SH3BGR: variants seen among roughly 807,000 people sequenced by gnomAD.
SH3BGR encodes the protein SH3 domain binding glutamate rich protein.
A neutral mutation model predicts 24.5 loss-of-function variants in SH3BGR; 29 were observed. The observed-to-expected ratio is 1.18, with a 90% CI of 0.88 to 1.61. The LOEUF (loss-of-function observed/expected upper bound fraction) is 1.61, where lower values mean the gene tolerates loss of function less well. SH3BGR is among the 40% of genes most tolerant of loss of function. The pLI is 0.00. For synonymous variants in SH3BGR, 55 were observed against 65.7 expected (o/e 0.84, Z 0.79); for missense variants, 162 against 205.8 (o/e 0.79, Z 1.30).
chr21:39,457,974 A>G (rs570401995), intron 1 of SH3BGR, among the ~76,000 whole-genome samples: 24 of 152,096 alleles, frequency 1.6e-4, no homozygotes, highest in Admixed American at 3.9e-4. Flanking sequence ...AACCCCAAAC[A>G]AAGAAACACC....
chr21:39,457,421 T>C (rs1439048320), intron 1 of SH3BGR, among the ~76,000 whole-genome samples: 2 of 142,796 alleles, frequency 1.4e-5, no homozygotes, highest in Non-Finnish European at 3.0e-5. Context: ...TATAAGATTA[T>C]TATATATTAT....
chr21:39,462,317 G>A, intron 1 of SH3BGR, 58 bp from the exon 2 acceptor site: 1 of 1,326,234 alleles, frequency 7.5e-7, no homozygotes, highest in Non-Finnish European at 1.1e-6. Context: ...TTTAATTTTT[G>A]TAAATGTAAG....
At position 39,511,256 on chromosome 21, in the gene SH3BGR, GTGTA is replaced by G. The variant is rs889889005; in HGVS notation, c.436-420_436-417del. Among the ~76,000 whole-genome samples the G allele has an allele frequency of 3.3e-4, 50 of 150,288 alleles. No homozygotes were observed. Among genetic ancestry groups the G allele is most frequent in the African/African-American group, 1.0e-3 (42 of 41,066 alleles). On this transcript the variant is annotated intron_variant, in intron 5 of 6. Transcript: ENST00000333634. This position sits in a 1 kb window ranked among gnomAD's most constrained non-coding sequence, Gnocchi z 4.2. Reference sequence around the variant, plus strand: ...ATGTTATGGTGTGGAGGGTATGTATGTGTATGTGTGATGTGTATGTGTATATTGT... The same window carrying G: ...ATGTTATGGTGTGGAGGGTATGTATGTGTGTGATGTGTATGTGTATATTGT...
chr21:39,488,777 G>A (rs1231022901), intron 3 of SH3BGR: 5 of 385,272 alleles, frequency 1.3e-5, no homozygotes, highest in South Asian at 4.7e-5. Flanking sequence ...TGAAGAGCTC[G>A]TCTGTGTGGT....
intron 2 of SH3BGR, among the ~76,000 whole-genome samples, chr21:39,468,793 A>G (rs1000764929): frequency 8.5e-5 from 13 of 152,126 alleles, no homozygotes; most frequent in African/African-American, 2.9e-4. Context: ...ATATGCACAT[A>G]GTTTACTATG....
Position 39,511,478 on chromosome 21 carries a change from GTA to G in SH3BGR, c.436-200_436-199del, listed in dbSNP as rs1403938429. ...TCCGTGGTGTGTGTGTGTTTGGGCG[GTA>G]TGTGTGTGGGGTGTGTGTGTGGCAT... On this transcript the variant is annotated intron_variant, in intron 5 of 6. Transcript: ENST00000333634. This position sits in a 1 kb window ranked among gnomAD's most constrained non-coding sequence, Gnocchi z 4.2. 4.1e-5 allele frequency among the ~76,000 whole-genome samples: 6 copies of G among 145,824 alleles called. No individual in the cohort carries two copies. The highest frequency in any genetic ancestry group is 7.5e-5 in the African/African-American group (3 of 39,738).
rs562890382 is a variant in SH3BGR at position 39,511,655 on chromosome 21, C to G, written c.436-25C>G. ...TCCTTGGCCCTTATGCTTCTTAATA[C>G]TAATGTAAGTTTTGTTAAAATAAGA... On this transcript the variant is annotated intron_variant, in intron 5 of 6. Transcript: ENST00000333634. This position sits in a 1 kb window ranked among gnomAD's most constrained non-coding sequence, Gnocchi z 4.2. The G allele has an allele frequency of 2.1e-5, 34 of 1,605,212 alleles. No homozygotes were observed. In the South Asian group the frequency reaches 3.1e-4, roughly 15 times the overall value.
chr21:39,456,843 C>A (rs1378063347), intron 1 of SH3BGR, among the ~76,000 whole-genome samples: 2 of 152,116 alleles, frequency 1.3e-5, no homozygotes, highest in Non-Finnish European at 2.9e-5. Context: ...CTGAGTCTTA[C>A]AGATTGAGTA....
intron 1 of SH3BGR, among the ~76,000 whole-genome samples, chr21:39,461,336 C>T (rs1359500834): frequency 6.6e-6 from 1 of 152,056 alleles, no homozygotes; most frequent in African/African-American, 2.4e-5. Flanking sequence ...GGGGTTTCTC[C>T]ATGTTGGTCA....
At chr21:39,454,061 A>T (rs928451852) in intron 1 of SH3BGR, among the ~76,000 whole-genome samples, 3 of 152,206 alleles carry the variant, frequency 2.0e-5, no homozygotes, top group Non-Finnish European at 4.4e-5. Flanking sequence ...AGTATGTGTG[A>T]GAAGAATTTT....
At chr21:39,454,538 C>T (rs894000308) in intron 1 of SH3BGR, among the ~76,000 whole-genome samples, 1 of 152,140 alleles carries the variant, frequency 6.6e-6, no homozygotes, top group Admixed American at 6.5e-5. Flanking sequence ...CTAGGACCCT[C>T]CTCTCTTCCA....
chr21:39,457,353 T>G (rs901371857), intron 1 of SH3BGR, among the ~76,000 whole-genome samples: 4 of 143,058 alleles, frequency 2.8e-5, no homozygotes, highest in Non-Finnish European at 6.1e-5. Context: ...TATAGTTACA[T>G]CTATAAATCT....
At chr21:39,512,811 AAAAACAAAAC>A (rs547095153) in intron 6 of SH3BGR, among the ~76,000 whole-genome samples, 1 of 152,080 alleles carries the variant, frequency 6.6e-6, no homozygotes, top group Non-Finnish European at 1.5e-5. Flanking sequence ...AACAAAAACA[AAAAACAAAAC>A]AAAACAAAAC....
At chr21:39,451,701 C>T (rs1602056183), upstream of SH3BGR, 1 of 603,814 alleles carries the variant, frequency 1.7e-6, no homozygotes, top group Non-Finnish European at 2.9e-6. Flanking sequence ...TCCTGCTGCT[C>T]TGTTACCGGG....
intron 2 of SH3BGR, among the ~76,000 whole-genome samples, chr21:39,472,493 C>T (rs1014219689): frequency 1.3e-5 from 2 of 152,074 alleles, no homozygotes; most frequent in Non-Finnish European, 1.5e-5. Context: ...ATCACAGCAG[C>T]GGATACTGTT....
At chr21:39,460,742 A>G (rs1026714160) in intron 1 of SH3BGR, among the ~76,000 whole-genome samples, 7 of 152,170 alleles carry the variant, frequency 4.6e-5, no homozygotes, top group African/African-American at 1.4e-4. Flanking sequence ...TGTTGGGATT[A>G]CAGGTGTGAG....
At chr21:39,499,679 T>C (rs1289890531) in intron 3 of SH3BGR, 144 bp from the exon 4 acceptor site, 1 of 581,208 alleles carries the variant, frequency 1.7e-6, no homozygotes, top group Non-Finnish European at 3.0e-6. Context: ...CTCTAGTCGC[T>C]AAGTGACCTA....
intron 6 of SH3BGR, among the ~76,000 whole-genome samples, chr21:39,513,525 G>A (rs2078733190): frequency 6.6e-6 from 1 of 152,012 alleles, no homozygotes; most frequent in African/African-American, 2.4e-5. Flanking sequence ...GACCATAAAG[G>A]TTTTGTCATT....
chr21:39,481,953 AT>A (rs2078136616), intron 3 of SH3BGR, among the ~76,000 whole-genome samples: 1 of 152,206 alleles, frequency 6.6e-6, no homozygotes, highest in Admixed American at 6.5e-5. Flanking sequence ...GCCAAACATT[AT>A]TTGCTAAATT....
Sources: gnomAD v4.1 joint callset for allele counts (sites outside exome capture counted in the v4.1 genomes callset) on GRCh38, gnomAD v4.1.1 for gene constraint, Gnocchi (gnomAD v3.1) non-coding constraint, MANE v1.5 for transcripts, NCBI Gene and HGNC (gene_info 2026-07-23, HGNC 2026-07-21) for gene names.